Variants in BCL7A observed in about 807,000 individuals in gnomAD.
BCL7A encodes B-cell CLL/lymphoma 7 protein family member A.
BCL7A carries 11 observed loss-of-function variants against 28.4 expected under a neutral mutation model. That is an observed-to-expected ratio of 0.39 (90% confidence interval 0.24 to 0.64). BCL7A has a LOEUF of 0.64. BCL7A is among the 30% of genes least tolerant of loss of function. The probability of loss-of-function intolerance (pLI) is 0.50; values close to 1 mark genes in which losing one functional copy is unlikely to be tolerated. For synonymous variants in BCL7A, 123 were observed against 103.3 expected (o/e 1.19, Z -1.15); for missense variants, 222 against 274.8 (o/e 0.81, Z 1.36).
intron 3 of BCL7A, among the ~76,000 whole-genome samples, chr12:122,040,135 G>A (rs1440209897): frequency 6.6e-6 from 1 of 152,178 alleles, no homozygotes; most frequent in African/African-American, 2.4e-5. Context: ...TTTTACAGAT[G>A]GAGAAACTAA....
intron 2 of BCL7A, among the ~76,000 whole-genome samples, chr12:122,034,564 CG>C (rs1883811982): frequency 6.6e-6 from 1 of 151,314 alleles, no homozygotes; most frequent in Non-Finnish European, 1.5e-5. Context: ...TGGTGAAACC[CG>C]TCTCTACTAA....
At chr12:122,034,532 G>A (rs1883811372) in intron 2 of BCL7A, among the ~76,000 whole-genome samples, 1 of 150,876 alleles carries the variant, frequency 6.6e-6, no homozygotes, top group Non-Finnish European at 1.5e-5. Context: ...TCAGGAGTTC[G>A]AGACCAGCCT....
intron 5 of BCL7A, among the ~76,000 whole-genome samples, chr12:122,058,848 A>G (rs1180328514): frequency 2.0e-5 from 3 of 152,170 alleles, no homozygotes; most frequent in African/African-American, 7.2e-5. Context: ...GGCATGTGAT[A>G]GGGTCAGGCA....
At position 122,038,075 on chromosome 12, in the gene BCL7A, C is replaced by T. The variant is rs566986748; in HGVS notation, c.271+2648C>T. Among the ~76,000 whole-genome samples the T allele has an allele frequency of 9.9e-5, 15 of 151,428 alleles. 1 individual carries two copies. In the East Asian group the frequency reaches 2.1e-3, roughly 22 times the overall value. The stretch of plus-strand genomic sequence containing the variant: ...GGCAGAAGCTGCAGTGAGCCGAGAT[C>T]GCACCACTGCACTCCAGCCCAGGCA... On this transcript the variant is annotated intron_variant, in intron 3 of 5. Transcript: ENST00000261822.
At chr12:122,037,642 C>G (rs1166375525) in intron 3 of BCL7A, among the ~76,000 whole-genome samples, 2 of 151,960 alleles carry the variant, frequency 1.3e-5, no homozygotes, top group African/African-American at 2.4e-5. Context: ...ATGGTGAAAC[C>G]CTGTCTCTAC....
intron 4 of BCL7A, among the ~76,000 whole-genome samples, chr12:122,053,900 T>C (rs1476406641): frequency 6.6e-6 from 1 of 151,928 alleles, no homozygotes. Context: ...ATGACCCCCA[T>C]TTGGGAAGAG....
At chr12:122,057,362 C>T (rs997168717) in intron 5 of BCL7A, among the ~76,000 whole-genome samples, 3 of 152,228 alleles carry the variant, frequency 2.0e-5, no homozygotes, top group African/African-American at 7.2e-5. Context: ...AGGCTTGTCA[C>T]TAGGGCCTTC....
rs771142155 is a variant in BCL7A at position 122,059,268 on chromosome 12, C to T, written c.*105C>T. 43 of 1,068,900 alleles carry T rather than the reference C, an allele frequency of 4.0e-5. No homozygotes were observed. The highest frequency in any genetic ancestry group is 6.6e-5 in the Admixed American group (3 of 45,608). 66.2% of individuals were successfully genotyped at this position (1,068,900 alleles called of 1,614,324 possible). On this transcript the variant is annotated 3_prime_UTR_variant, in exon 6 of 6. Transcript: ENST00000261822. The surrounding 1 kb of genome is among the most constrained non-coding windows in gnomAD (Gnocchi z 4.0). Reference sequence around the variant, plus strand: ...TTCCTCTTGGGTGCGAACAGAACTACTAACGTTTCAAGTTTACCAAGTGCA... The same window carrying T: ...TTCCTCTTGGGTGCGAACAGAACTATTAACGTTTCAAGTTTACCAAGTGCA...
intron 3 of BCL7A, among the ~76,000 whole-genome samples, chr12:122,043,610 T>C (rs1387645601): frequency 6.6e-6 from 1 of 151,352 alleles, no homozygotes; most frequent in East Asian, 2.0e-4. Context: ...CCATCTCTAC[T>C]AAAAATACAA....
intron 1 of BCL7A, among the ~76,000 whole-genome samples, chr12:122,026,239 C>T (rs949412624): frequency 4.0e-5 from 6 of 149,504 alleles, no homozygotes; most frequent in Admixed American, 3.3e-4. Flanking sequence ...TGTACTCCAG[C>T]CTGGGCGACA....
chr12:122,024,456 T>G (rs897047695), intron 1 of BCL7A, among the ~76,000 whole-genome samples: 3 of 56,512 alleles, frequency 5.3e-5, no homozygotes, highest in Non-Finnish European at 8.5e-5. Flanking sequence ...GGCTTTGAGG[T>G]TTTTTGTTTT....
rs1312270635 is a variant in BCL7A, at chr12:122,031,599, A to G, written c.174+818A>G. 2.0e-5 allele frequency among the ~76,000 whole-genome samples: 3 copies of G among 152,330 alleles called. No individual in the cohort carries two copies. In the East Asian group the frequency reaches 5.8e-4, roughly 29 times the overall value. On this transcript the variant is annotated intron_variant, in intron 2 of 5. Transcript: ENST00000261822. The stretch of plus-strand genomic sequence containing the variant: ...GAGGTGAAGCCACTTCACATGGCTC[A>G]CCTCAGAGCTGTGAATGGAGCTCAG...
intron 1 of BCL7A, among the ~76,000 whole-genome samples, chr12:122,025,191 G>C (rs573981738): frequency 3.9e-5 from 6 of 152,262 alleles, no homozygotes; most frequent in East Asian, 1.9e-4. Flanking sequence ...GGAGACGAAA[G>C]CTTGGGCTGC....
intron 4 of BCL7A, among the ~76,000 whole-genome samples, chr12:122,052,749 C>CTTG (rs1884216358): frequency 6.6e-6 from 1 of 151,548 alleles, no homozygotes; most frequent in Non-Finnish European, 1.5e-5. Flanking sequence ...GTGGCATGAT[C>CTTG]TTGTCTCACT....
At chr12:122,050,775 G>A (rs1446013414) in intron 4 of BCL7A, among the ~76,000 whole-genome samples, 1 of 152,332 alleles carries the variant, frequency 6.6e-6, no homozygotes, top group Non-Finnish European at 1.5e-5. Flanking sequence ...CAGCTTGGGC[G>A]ACAGAGCGAG....
chr12:122,056,367 C>T (rs1050822643), intron 5 of BCL7A, among the ~76,000 whole-genome samples: 1 of 152,110 alleles, frequency 6.6e-6, no homozygotes, highest in Non-Finnish European at 1.5e-5. Flanking sequence ...CACACTCTTG[C>T]TTCCAGGAGA....
chr12:122,024,193 C>T (rs922548857), intron 1 of BCL7A, among the ~76,000 whole-genome samples: 1 of 152,228 alleles, frequency 6.6e-6, no homozygotes, highest in Non-Finnish European at 1.5e-5. Flanking sequence ...GGAAACAACA[C>T]ATCGTGTCCT....
intron 2 of BCL7A, among the ~76,000 whole-genome samples, chr12:122,032,095 G>A (rs1039105558): frequency 6.6e-6 from 1 of 152,200 alleles, no homozygotes; most frequent in African/African-American, 2.4e-5. Flanking sequence ...GAAGCATGTG[G>A]GGGTCCAGCT....
Position 122,041,118 on chromosome 12 carries a change from G to A in BCL7A, c.272-2768G>A, listed in dbSNP as rs965990153. Among the ~76,000 whole-genome samples, 3 of 152,216 alleles carry A rather than the reference G, an allele frequency of 2.0e-5. No homozygotes were observed. In the South Asian group the frequency reaches 6.2e-4, roughly 32 times the overall value. ...AAATCAGATCCAGGTTACCCGTGTG[G>A]GGCCGCCTGACTGCCTGGTGCTTCC... On this transcript the variant is annotated intron_variant, in intron 3 of 5. Coordinates refer to ENST00000261822, the MANE Select transcript of BCL7A (RefSeq NM_001024808.3).
Sources: gnomAD v4.1 joint callset for allele counts (sites outside exome capture counted in the v4.1 genomes callset) on GRCh38, gnomAD v4.1.1 for gene constraint, Gnocchi (gnomAD v3.1) non-coding constraint, MANE v1.5 for transcripts, NCBI Gene and HGNC (gene_info 2026-07-23, HGNC 2026-07-21) for gene names.